The following C4orf50 variants were observed in gnomAD, a reference collection of about 807,000 sequenced individuals.
C4orf50 encodes uncharacterized protein C4orf50.
Under a neutral mutation model 77.2 loss-of-function variants are expected in C4orf50, and 80 were observed. The ratio of observed to expected loss-of-function variants is 1.04; its 90% CI spans 0.87 to 1.25. C4orf50 has a LOEUF of 1.25. C4orf50 is among the 50% of genes most tolerant of loss of function. C4orf50 has a pLI of 0.00. For synonymous variants in C4orf50, 532 were observed against 465.3 expected (o/e 1.14, Z -1.84); for missense variants, 1,257 against 1,152.9 (o/e 1.09, Z -1.31).
At chr4:5,922,388 A>G (rs933647233) in intron 7 of C4orf50, among the ~76,000 whole-genome samples, 3 of 152,188 alleles carry the variant, frequency 2.0e-5, no homozygotes, top group African/African-American at 7.2e-5. Flanking sequence ...GGTAACTCAT[A>G]CCTGGCCCTC....
At chr4:6,006,981 TG>T (rs1722275353) in intron 25 of C4orf50, among the ~76,000 whole-genome samples, 1 of 152,228 alleles carries the variant, frequency 6.6e-6, no homozygotes, top group Non-Finnish European at 1.5e-5. Flanking sequence ...GGAGAGGGAC[TG>T]GACTTCACAA....
At chr4:5,967,859 G>GTGCACCACC (rs1481962450) in intron 31 of C4orf50, among the ~76,000 whole-genome samples, 2 of 152,218 alleles carry the variant, frequency 1.3e-5, no homozygotes, top group African/African-American at 2.4e-5. Flanking sequence ...TTGAATCTGA[G>GTGCACCACC]TGCACCACCT....
In C4orf50 at chr4:5,911,971, C is replaced by A. The variant is rs4593078; in HGVS notation, c.*2475-13783G>T. ...TGAGGCGGGAAAATCGCTTTAACCC[C>A]GGAGGCGGAGGTTGCAGTGAGCCAA... is the stretch of plus-strand genomic sequence containing the variant. On this transcript the variant is annotated intron_variant, in intron 7 of 7. Transcript: ENST00000324058. Among the ~76,000 whole-genome samples, 559 of 152,266 alleles carry A rather than the reference C, an allele frequency of 3.7e-3. 1 individual carries two copies. Among genetic ancestry groups the A allele is most frequent in the African/African-American group, 0.012 (499 of 41,516 alleles).
intron 28 of C4orf50, among the ~76,000 whole-genome samples, chr4:5,983,044 A>G (rs979063614): frequency 6.6e-6 from 1 of 152,176 alleles, no homozygotes; most frequent in Non-Finnish European, 1.5e-5. Flanking sequence ...GTCAAAGAGT[A>G]ATACATCAGG....
In C4orf50 at chr4:6,007,333, G is replaced by A. The variant is rs1722288273; in HGVS notation, c.963+663C>T. Among the ~76,000 whole-genome samples the A allele has an allele frequency of 6.6e-6, 1 of 152,014 alleles. No homozygotes were observed. The highest frequency in any genetic ancestry group is 2.1e-4 in the South Asian group (1 of 4,818). On this transcript the variant is annotated intron_variant, in intron 25 of 33. Transcript: ENST00000531445. The surrounding 1 kb of genome is among the most constrained non-coding windows in gnomAD (Gnocchi z 4.1). ...GGTGGAGTCTTTGGGAGGTAATTAGGTCCTGAGGGTGGAGGCTTCATGAAT... is the reference window on the plus strand; with the variant it reads ...GGTGGAGTCTTTGGGAGGTAATTAGATCCTGAGGGTGGAGGCTTCATGAAT...
intron 25 of C4orf50, among the ~76,000 whole-genome samples, chr4:6,006,294 G>A (rs867063381): frequency 6.6e-6 from 1 of 152,136 alleles, no homozygotes; most frequent in East Asian, 1.9e-4. Context: ...CTCCTCTTTG[G>A]GCTAAGGTTG....
At position 6,009,148 on chromosome 4, in the gene C4orf50, C is replaced by T. The variant is rs897507752; in HGVS notation, c.427-616G>A. Among the ~76,000 whole-genome samples the T allele has an allele frequency of 3.9e-5, 6 of 152,178 alleles. No homozygotes were observed. Among genetic ancestry groups the T allele is most frequent in the African/African-American group, 9.7e-5 (4 of 41,438 alleles). On this transcript the variant is annotated intron_variant, in intron 24 of 33. Transcript: ENST00000531445. This position sits in a 1 kb window ranked among gnomAD's most constrained non-coding sequence, Gnocchi z 5.6. ...AATTCACTGCGGCCAGGATGCCAAG[C>T]GCCTTGTATCTGACTCAGGCCTTTT...
chr4:5,985,441 A>T (rs1720806833), intron 28 of C4orf50, among the ~76,000 whole-genome samples: 1 of 152,080 alleles, frequency 6.6e-6, no homozygotes, highest in Non-Finnish European at 1.5e-5. Context: ...CTATTGAAAA[A>T]TTTTTATATT....
intron 33 of C4orf50, among the ~76,000 whole-genome samples, chr4:5,960,181 T>C (rs1269428681): frequency 6.6e-6 from 1 of 152,228 alleles, no homozygotes; most frequent in Non-Finnish European, 1.5e-5. Flanking sequence ...AGCTCTGAAG[T>C]GGCTTCGACT....
intron 28 of C4orf50, among the ~76,000 whole-genome samples, chr4:5,984,874 A>T (rs2108785210): frequency 6.6e-6 from 1 of 152,108 alleles, no homozygotes; most frequent in South Asian, 2.1e-4. Context: ...AAACAAAAAA[A>T]TTAAAACAAG....
At chr4:5,959,608 A>G in exon 34 of C4orf50, 1 of 1,613,500 alleles carries the variant, frequency 6.2e-7, no homozygotes, top group Non-Finnish European at 8.5e-7. Context: ...TCAAGCGTGG[A>G]CACCAAGGAC....
chr4:5,959,812 C>A (rs1719173603), intron 33 of C4orf50, among the ~76,000 whole-genome samples, 186 bp from the exon 12 acceptor site: 1 of 152,228 alleles, frequency 6.6e-6, no homozygotes, highest in Non-Finnish European at 1.5e-5. Context: ...CAGTGAGACA[C>A]ATGCTGTCAT....
chr4:5,998,654 C>T (rs184460391), intron 25 of C4orf50, among the ~76,000 whole-genome samples: 4 of 152,312 alleles, frequency 2.6e-5, no homozygotes, highest in African/African-American at 9.6e-5. Context: ...TCTCTCTGCA[C>T]GAGCATCTCT....
rs1290353090 is a variant in C4orf50 at position 5,905,924 on chromosome 4, G to A, written c.*2475-7736C>T. Reference sequence around the variant, plus strand: ...ATGCTAAGCACGGGGGCAGGGGGGCGGGGGGCAGAGGGACGGATGCCCTGC... The same window carrying A: ...ATGCTAAGCACGGGGGCAGGGGGGCAGGGGGCAGAGGGACGGATGCCCTGC... On this transcript the variant is annotated intron_variant, in intron 7 of 7. Transcript: ENST00000324058. This position sits in a 1 kb window ranked among gnomAD's most constrained non-coding sequence, Gnocchi z 5.4. 2.0e-5 allele frequency among the ~76,000 whole-genome samples: 3 copies of A among 151,796 alleles called. No homozygotes were observed. Among genetic ancestry groups the A allele is most frequent in the East Asian group, 1.9e-4 (1 of 5,164 alleles).
chr4:5,919,331 A>G lies in C4orf50; in HGVS notation c.*2475-21143T>C, dbSNP rs1717167283. Among the ~76,000 whole-genome samples the G allele has an allele frequency of 6.6e-6, 1 of 151,942 alleles. No individual in the cohort carries two copies. Among genetic ancestry groups the G allele is most frequent in the African/African-American group, 2.4e-5 (1 of 41,366 alleles). ...CAGGAAGGTTCTAGAAGTCTGGATG[A>G]ACTGGCGTGGAGTGTGTATCACCTT... On this transcript the variant is annotated intron_variant, in intron 7 of 7. Transcript: ENST00000324058. This position sits in a 1 kb window ranked among gnomAD's most constrained non-coding sequence, Gnocchi z 6.5.
rs1373429360 is a variant in C4orf50, at chr4:5,970,347, C to G, written c.4105-2885G>C. The stretch of plus-strand genomic sequence containing the variant: ...TCTCCAGCTAACATCAGGGAGGCGG[C>G]AAGACCCGTGTTCCCAGCAGAAGGA... On this transcript the variant is annotated intron_variant, in intron 31 of 33. Transcript: ENST00000531445. This position sits in a 1 kb window ranked among gnomAD's most constrained non-coding sequence, Gnocchi z 4.3. Among the ~76,000 whole-genome samples, 4 of 152,152 alleles carry G rather than the reference C, an allele frequency of 2.6e-5. No individual in the cohort carries two copies. The highest frequency in any genetic ancestry group is 5.9e-5 in the Non-Finnish European group (4 of 68,034).
At chr4:5,971,355 A>T (rs1346905955) in intron 31 of C4orf50, among the ~76,000 whole-genome samples, 2 of 152,244 alleles carry the variant, frequency 1.3e-5, no homozygotes, top group African/African-American at 4.8e-5. Context: ...CTAGGAATCA[A>T]GATGCAGACA....
Position 5,912,863 on chromosome 4 carries a change from T to C in C4orf50, c.*2475-14675A>G, listed in dbSNP as rs959553289. On this transcript the variant is annotated intron_variant, in intron 7 of 7. Transcript: ENST00000324058. ...TATTTTTGCATGTTCTCTAGTTGTT[T>C]GACACCTGGGCCTGGGATGACATGT... 8.5e-5 allele frequency among the ~76,000 whole-genome samples: 13 copies of C among 152,232 alleles called. No individual in the cohort carries two copies. The East Asian group carries it at 2.5e-3, about 29-fold the overall frequency.
intron 25 of C4orf50, among the ~76,000 whole-genome samples, chr4:6,005,240 C>T (rs767293671): frequency 3.3e-4 from 51 of 152,262 alleles, no homozygotes; most frequent in African/African-American, 9.1e-4. Flanking sequence ...GATGAGAGAC[C>T]GAGGCAGAAG....
Sources: gnomAD v4.1 joint callset for allele counts (sites outside exome capture counted in the v4.1 genomes callset) on GRCh38, gnomAD v4.1.1 for gene constraint, Gnocchi (gnomAD v3.1) non-coding constraint, MANE v1.5 for transcripts, NCBI Gene and HGNC (gene_info 2026-07-23, HGNC 2026-07-21) for gene names.